The following IL17RA variants were observed in gnomAD, a reference collection of about 807,000 sequenced individuals.
IL17RA encodes interleukin-17 receptor A.
In IL17RA, 34 loss-of-function variants were observed where a neutral mutation model predicts 50.4. The ratio of observed to expected loss-of-function variants is 0.67; its 90% CI spans 0.51 to 0.90. IL17RA has a LOEUF of 0.90. Among genes scored for constraint, IL17RA ranks in the 40% least tolerant of loss-of-function variants. The pLI is 0.00. For synonymous variants in IL17RA, 585 were observed against 510.4 expected, an observed-to-expected ratio of 1.15 and a Z score of -1.97; for missense variants, 1,276 against 1,169.8, an observed-to-expected ratio of 1.09 and a Z score of -1.32.
chr22:17,115,131 C>T lies in IL17RA; in HGVS notation c.*5311C>T, dbSNP rs969084924. The T allele has an allele frequency of 2.6e-5, 4 of 152,264 alleles. No homozygotes were observed. The highest frequency in any genetic ancestry group is 2.0e-4 in the Admixed American group (3 of 15,288). 9.4% of individuals were successfully genotyped at this position (152,264 alleles called of 1,614,324 possible). A position where few individuals can be genotyped will look rare whatever the true frequency, so the allele number is the denominator to read the frequency against. On this transcript the variant is annotated 3_prime_UTR_variant, in exon 13 of 13. Transcript: ENST00000319363. ...TCTGATATGCCTGGCAAACCAAAAT[C>T]GGTGAGCGCCAGCTTGCTTCCCTAG...
intron 1 of IL17RA, among the ~76,000 whole-genome samples, chr22:17,094,691 C>CTCTCTCTCTCTCTATATATATATATA: frequency 4.0e-5 from 1 of 24,702 alleles, no homozygotes; most frequent in East Asian, 1.0e-3. Context: ...CTCTCTCTCT[C>CTCTCTCTCTCTCTATATATATATATA]TATATATATA....
rs1378352284 is a variant in IL17RA, at chr22:17,104,792, G to T, written c.913G>T (p.Glu305Ter). Residue 305 changes from glutamate to a stop codon, truncating the protein, a stop_gained, in exon 9 of 13, where the codon GAA (glutamate) becomes TAA (stop). Coordinates refer to ENST00000319363, the MANE Select transcript of IL17RA (RefSeq NM_014339.7). LOFTEE classifies it high-confidence loss of function. ...ACACTCCGCGACTGTTTCCTGCCCAGAAATGCCAGACACTCCAGGTAGGGG... is the reference window on the plus strand; with the variant it reads ...ACACTCCGCGACTGTTTCCTGCCCATAAATGCCAGACACTCCAGGTAGGGG... The part of the protein sequence containing the change: ...LRHSATVSCP[E>*]MPDTPEPIPD... 6.2e-7 allele frequency: 1 copy of T among 1,614,016 alleles called. No individual in the cohort carries two copies. The highest frequency in any genetic ancestry group is 8.5e-7 in the Non-Finnish European group (1 of 1,180,006).
intron 1 of IL17RA, among the ~76,000 whole-genome samples, chr22:17,088,225 G>A (rs2061335141): frequency 6.6e-6 from 1 of 152,172 alleles, no homozygotes; most frequent in Non-Finnish European, 1.5e-5. Context: ...TGTTCACTGA[G>A]GCACAGAATT....
chr22:17,109,670 G>A lies in IL17RA; in HGVS notation c.2451G>A (p.Glu817=). The change falls in exon 13 of 13, where the codon GAG becomes GAA. Residue 817 remains glutamate (E), a synonymous_variant. Transcript: ENST00000319363. ...CGGAAATGGAGGAAGAGGAGGAAGA[G>A]GAGCAGGACCCAGGGAAGCCGGCCC... is the stretch of plus-strand genomic sequence containing the variant. ...GLTEMEEEEE[E]EQDPGKPALP... The A allele has an allele frequency of 6.2e-7, 1 of 1,602,620 alleles. No homozygotes were observed. Among genetic ancestry groups the A allele is most frequent in the African/African-American group, 1.3e-5 (1 of 74,918 alleles).
In IL17RA at chr22:17,104,721, C is replaced by T. The variant is rs781718594; in HGVS notation, c.847-5C>T. On this transcript the variant is annotated splice_polypyrimidine_tract_variant and splice_region_variant and intron_variant, in intron 8 of 12. Coordinates refer to ENST00000319363, the MANE Select transcript of IL17RA (RefSeq NM_014339.7). Reference sequence around the variant, plus strand: ...GAGCCCTTTTCCTGCCCTCTCTGCCCGCAGATCCAGCCCTTCTTCAGCAGC... The same window carrying T: ...GAGCCCTTTTCCTGCCCTCTCTGCCTGCAGATCCAGCCCTTCTTCAGCAGC... 9.3e-6 allele frequency: 15 copies of T among 1,613,776 alleles called. No homozygotes were observed. Among genetic ancestry groups the T allele is most frequent in the South Asian group, 2.2e-5 (2 of 91,078 alleles).
chr22:17,089,356 T>C (rs1328879933), intron 1 of IL17RA, among the ~76,000 whole-genome samples: 1 of 152,154 alleles, frequency 6.6e-6, no homozygotes, highest in African/African-American at 2.4e-5. Flanking sequence ...AGTTTTTTCA[T>C]CAGTACAATT....
intron 5 of IL17RA, among the ~76,000 whole-genome samples, chr22:17,100,726 T>G (rs1415228823): frequency 6.6e-6 from 1 of 151,372 alleles, no homozygotes; most frequent in Non-Finnish European, 1.5e-5. Flanking sequence ...ATCCCAGGAG[T>G]TTTATGGGAA....
chr22:17,109,147 G>A lies in IL17RA; in HGVS notation c.1928G>A (p.Gly643Glu), dbSNP rs559058243. 1.2e-4 allele frequency: 190 copies of A among 1,536,058 alleles called. 1 individual carries two copies. In the South Asian group the frequency reaches 1.9e-3, roughly 15 times the overall value. Reference protein sequence around the residue: ...LAIDPLVGEEGGAAVAKLEPH... With the variant: ...LAIDPLVGEEEGAAVAKLEPH... ...ATAGACCCGCTGGTCGGGGAGGAAG[G>A]AGGAGCAGCAGTGGCAAAGCTGGAA... is the stretch of plus-strand genomic sequence containing the variant. Residue 643 changes from glycine (G) to glutamate (E), a missense_variant, in exon 13 of 13, where the codon GGA becomes GAA. Transcript: ENST00000319363.
intron 8 of IL17RA, 127 bp from the exon 9 acceptor site, chr22:17,104,599 G>C: frequency 1.2e-6 from 1 of 834,772 alleles, no homozygotes; most frequent in South Asian, 1.4e-5. Flanking sequence ...GCTGGAGGGA[G>C]ATGATGGTCA....
chr22:17,086,884 A>G (rs1218077285), intron 1 of IL17RA, among the ~76,000 whole-genome samples: 2 of 152,214 alleles, frequency 1.3e-5, no homozygotes, highest in Non-Finnish European at 2.9e-5. Flanking sequence ...CAGTGAGAAA[A>G]GATGCCAGAA....
intron 4 of IL17RA, among the ~76,000 whole-genome samples, 169 bp downstream of exon 4, chr22:17,099,056 G>C (rs1197882223): frequency 6.6e-6 from 1 of 152,192 alleles, no homozygotes; most frequent in African/African-American, 2.4e-5. Flanking sequence ...AAGAGAAGTG[G>C]TGTGGCCGCC....
intron 1 of IL17RA, 109 bp downstream of exon 1, chr22:17,085,338 G>C (rs1209912750): frequency 1.3e-6 from 2 of 1,500,918 alleles, no homozygotes; most frequent in Non-Finnish European, 1.8e-6. Flanking sequence ...GAGGCAGGAA[G>C]TCCGCGCCGC....
chr22:17,098,764 C>T lies in IL17RA; in HGVS notation c.311-11C>T, dbSNP rs2061378377. 5.6e-6 allele frequency: 9 copies of T among 1,609,846 alleles called. No individual in the cohort carries two copies. Among genetic ancestry groups the T allele is most frequent in the Non-Finnish European group, 7.7e-6 (9 of 1,176,146 alleles). On this transcript the variant is annotated splice_polypyrimidine_tract_variant and intron_variant, in intron 3 of 12. Coordinates refer to ENST00000319363, the MANE Select transcript of IL17RA (RefSeq NM_014339.7). ...TGCATCTGTTTGTCTTCTCTTCTCC[C>T]TCTCCTGCAGCCAGCATCCTGTACC...
chr22:17,100,772 C>G (rs192091235), intron 5 of IL17RA, among the ~76,000 whole-genome samples: 1 of 152,328 alleles, frequency 6.6e-6, no homozygotes, highest in Admixed American at 6.5e-5. Context: ...AAGCACCCAG[C>G]CTGCCCAGAA....
chr22:17,089,974 T>C (rs984327364), intron 1 of IL17RA, among the ~76,000 whole-genome samples: 1 of 109,998 alleles, frequency 9.1e-6, no homozygotes, highest in African/African-American at 2.9e-5. Context: ...CCTAAGAAGA[T>C]CCCGAACACT....
intron 7 of IL17RA, among the ~76,000 whole-genome samples, chr22:17,102,879 C>T (rs1329752822): frequency 6.7e-6 from 1 of 150,238 alleles, no homozygotes. Context: ...CAGTGGTTCA[C>T]GCCTATAATC....
At chr22:17,094,889 T>G (rs1601339230) in intron 1 of IL17RA, among the ~76,000 whole-genome samples, 1 of 151,588 alleles carries the variant, frequency 6.6e-6, no homozygotes, top group African/African-American at 2.4e-5. Flanking sequence ...TATTCCATAG[T>G]AGATAGCAAT....
intron 1 of IL17RA, 30 bp from the exon 2 acceptor site, chr22:17,097,032 G>A (rs374288241): frequency 1.2e-6 from 2 of 1,610,392 alleles, no homozygotes; most frequent in Non-Finnish European, 1.7e-6. Context: ...CCTTTTCCCA[G>A]CTGTAATAAC....
At position 17,112,975 on chromosome 22, in the gene IL17RA, C is replaced by A. The variant is rs1601353474; in HGVS notation, c.*3155C>A. ...GAGTTTCATGACTTTTTCCTGCCTA[C>A]TATCTTGATCCTAGTTTTTTTTTTG... is the stretch of plus-strand genomic sequence containing the variant. On this transcript the variant is annotated 3_prime_UTR_variant, in exon 13 of 13. Coordinates refer to ENST00000319363, the MANE Select transcript of IL17RA (RefSeq NM_014339.7). The A allele has an allele frequency of 6.9e-6, 1 of 144,068 alleles. No individual in the cohort carries two copies. Among genetic ancestry groups the A allele is most frequent in the Non-Finnish European group, 1.5e-5 (1 of 66,814 alleles). The allele number at this position is 144,068 out of a possible 1,614,324, so 8.9% of individuals were successfully genotyped here.
Sources: allele counts gnomAD v4.1 joint callset (sites outside exome capture counted in the v4.1 genomes callset), GRCh38; gene constraint gnomAD v4.1.1; transcripts MANE v1.5; gene names NCBI Gene and HGNC (gene_info 2026-07-23, HGNC 2026-07-21).